ANKS1B: variants seen among roughly 807,000 people sequenced by gnomAD.
ANKS1B encodes the protein ankyrin repeat and sterile alpha motif domain-containing protein 1B.
ANKS1B carries 36 observed loss-of-function variants against 148.3 expected under a neutral mutation model. The ratio of observed to expected loss-of-function variants is 0.24; its 90% CI spans 0.19 to 0.32. The LOEUF (loss-of-function observed/expected upper bound fraction) is 0.32. Among genes scored for constraint, ANKS1B ranks in the 10% least tolerant of loss-of-function variants. ANKS1B has a pLI of 1.00. For synonymous variants in ANKS1B, 542 were observed against 560.8 expected (o/e 0.97, Z 0.47); for missense variants, 1,157 against 1,542.6 (o/e 0.75, Z 4.19).
intron 2 of ANKS1B, 134 bp from the exon 3 acceptor site, chr12:99,812,445 G>T: frequency 1.3e-5 from 12 of 905,380 alleles, no homozygotes; most frequent in East Asian, 8.1e-5. Flanking sequence ...TATAAAGTTG[G>T]GTTTCAAAGT....
intron 8 of ANKS1B, among the ~76,000 whole-genome samples, chr12:99,765,645 T>C (rs773676977): frequency 1.3e-5 from 2 of 152,218 alleles, no homozygotes; most frequent in Non-Finnish European, 2.9e-5. Flanking sequence ...AGAATACATA[T>C]GGCTTTTTCC....
At chr12:99,444,101 C>T (rs1013482415) in intron 10 of ANKS1B, among the ~76,000 whole-genome samples, 3 of 151,856 alleles carry the variant, frequency 2.0e-5, no homozygotes, top group Non-Finnish European at 4.4e-5. Flanking sequence ...ACTGCTACTA[C>T]TATATGAATA....
intron 17 of ANKS1B, among the ~76,000 whole-genome samples, chr12:98,834,481 G>T (rs974129899): frequency 6.6e-6 from 1 of 152,176 alleles, no homozygotes; most frequent in Non-Finnish European, 1.5e-5. Context: ...CCTTAATTTT[G>T]TTATAGCTAA....
chr12:99,026,354 C>T (rs144928157), intron 17 of ANKS1B, among the ~76,000 whole-genome samples: 6 of 152,244 alleles, frequency 3.9e-5, no homozygotes, highest in South Asian at 4.2e-4. Flanking sequence ...TTCACACTTA[C>T]GCTGTTATTT....
At chr12:99,342,109 T>C (rs1431069897) in intron 12 of ANKS1B, among the ~76,000 whole-genome samples, 2 of 152,188 alleles carry the variant, frequency 1.3e-5, no homozygotes, top group Non-Finnish European at 2.9e-5. Context: ...AAAACGCGCA[T>C]AGTTCCTGAT....
intron 9 of ANKS1B, among the ~76,000 whole-genome samples, chr12:99,594,424 TATTC>T (rs2153267314): frequency 6.6e-6 from 1 of 152,206 alleles, no homozygotes; most frequent in Non-Finnish European, 1.5e-5. Flanking sequence ...ATCGCAACAT[TATTC>T]ATTAACAGCC....
chr12:99,419,140 T>G (rs893226948), intron 11 of ANKS1B, among the ~76,000 whole-genome samples: 2 of 152,154 alleles, frequency 1.3e-5, no homozygotes, highest in African/African-American at 4.8e-5. Context: ...TAGAAAACAT[T>G]CCCCCATTTT....
At chr12:99,531,880 T>C (rs1400122556) in intron 9 of ANKS1B, among the ~76,000 whole-genome samples, 1 of 152,228 alleles carries the variant, frequency 6.6e-6, no homozygotes. Context: ...TTTTTGACTT[T>C]TTGAAAATGG....
chr12:98,818,212 C>T (rs1191570287), intron 19 of ANKS1B, among the ~76,000 whole-genome samples: 1 of 139,892 alleles, frequency 7.1e-6, no homozygotes, highest in Non-Finnish European at 1.5e-5. Context: ...TCCCTCTTTC[C>T]CTCTTTCCCT....
At chr12:99,627,516 C>T (rs1382164544) in intron 9 of ANKS1B, among the ~76,000 whole-genome samples, 1 of 152,124 alleles carries the variant, frequency 6.6e-6, no homozygotes, top group Non-Finnish European at 1.5e-5. Context: ...ATAAGTGATA[C>T]AGTCAGAATT....
chr12:98,872,338 A>G (rs1293085294), intron 17 of ANKS1B, among the ~76,000 whole-genome samples: 1 of 152,202 alleles, frequency 6.6e-6, no homozygotes, highest in African/African-American at 2.4e-5. Flanking sequence ...CAGGAGTTTG[A>G]GACCAGCCTG....
rs117681620 is a variant in ANKS1B, at chr12:99,817,788, G to C, written c.216-5477C>G. 2.9e-3 allele frequency among the ~76,000 whole-genome samples: 441 copies of C among 151,856 alleles called. 1 individual carries two copies. The highest frequency in any genetic ancestry group is 5.0e-3 in the Non-Finnish European group (338 of 67,770). On this transcript the variant is annotated intron_variant, in intron 2 of 26. Transcript: ENST00000683438. ...AGGTTAAGCATTTTTTCATATGCCT[G>C]TTGGTCATTTGTAAGTCTTCTTTCG...
intron 15 of ANKS1B, among the ~76,000 whole-genome samples, chr12:99,100,921 C>T (rs986302539): frequency 6.6e-6 from 1 of 152,178 alleles, no homozygotes; most frequent in African/African-American, 2.4e-5. Context: ...TCAGGAAAGA[C>T]ATTTTGGGAA....
chr12:99,719,598 C>T (rs916141197), intron 8 of ANKS1B, among the ~76,000 whole-genome samples: 2 of 152,144 alleles, frequency 1.3e-5, no homozygotes, highest in South Asian at 4.1e-4. Flanking sequence ...CTCAGCAAGC[C>T]GAACTCATTG....
At chr12:99,648,422 C>A (rs1474906103) in intron 9 of ANKS1B, 2 of 1,614,192 alleles carry the variant, frequency 1.2e-6, no homozygotes, top group South Asian at 2.2e-5. Context: ...CTCACACTAC[C>A]TGATGTCATG....
chr12:99,126,958 T>G (rs2064567687), intron 15 of ANKS1B, among the ~76,000 whole-genome samples: 2 of 152,140 alleles, frequency 1.3e-5, no homozygotes, highest in Admixed American at 1.3e-4. Flanking sequence ...CAGCTAAGAT[T>G]TGAGTCATGA....
At chr12:99,790,289 G>A (rs997629413) in intron 4 of ANKS1B, among the ~76,000 whole-genome samples, 1 of 152,208 alleles carries the variant, frequency 6.6e-6, no homozygotes, top group East Asian at 1.9e-4. Context: ...AAGCATGAAA[G>A]AGAAATAAAG....
intron 11 of ANKS1B, among the ~76,000 whole-genome samples, chr12:99,433,814 G>A (rs1256337956): frequency 6.6e-6 from 1 of 152,076 alleles, no homozygotes; most frequent in Non-Finnish European, 1.5e-5. Flanking sequence ...ACTGAGAATA[G>A]GTCTGAGGAT....
At chr12:99,460,802 T>C (rs1401699583) in intron 10 of ANKS1B, among the ~76,000 whole-genome samples, 1 of 151,820 alleles carries the variant, frequency 6.6e-6, no homozygotes, top group Non-Finnish European at 1.5e-5. Flanking sequence ...GATGGGAATG[T>C]AAACTAATAA....
Sources: gnomAD v4.1 joint callset for allele counts (sites outside exome capture counted in the v4.1 genomes callset) on GRCh38, gnomAD v4.1.1 for gene constraint, MANE v1.5 for transcripts, NCBI Gene and HGNC (gene_info 2026-07-23, HGNC 2026-07-21) for gene names.